Variants in BDNF observed in about 807,000 individuals in gnomAD.
The protein encoded by BDNF is brain derived neurotrophic factor, also known as neurotrophic factor BDNF precursor form.
A neutral mutation model predicts 19.5 loss-of-function variants in BDNF; 1 was observed. That is an observed-to-expected ratio of 0.05 (90% CI 0.02 to 0.24). The LOEUF (loss-of-function observed/expected upper bound fraction) is 0.24. BDNF is among the 10% of genes least tolerant of loss of function. The pLI is 1.00. For missense variants in BDNF, 195 were observed against 317.6 expected, an observed-to-expected ratio of 0.61 and a Z score of 2.93; for synonymous variants, 100 against 121.6, an observed-to-expected ratio of 0.82 and a Z score of 1.17.
intron 1 of BDNF, among the ~76,000 whole-genome samples, chr11:27,666,826 C>T (rs1438750246): frequency 2.0e-5 from 3 of 152,078 alleles, no homozygotes; most frequent in African/African-American, 7.2e-5. Flanking sequence ...GAGAATGGAA[C>T]CAAGTTGGAA....
intron 1 of BDNF, among the ~76,000 whole-genome samples, chr11:27,683,167 G>A (rs1857055849): frequency 6.6e-6 from 1 of 152,226 alleles, no homozygotes; most frequent in African/African-American, 2.4e-5. Flanking sequence ...CAGTGATGAT[G>A]AGCTTTTCTT....
chr11:27,721,633 C>A, exon 1 of BDNF: 1 of 612,562 alleles, frequency 1.6e-6, no homozygotes, highest in East Asian at 2.8e-5. Context: ...GACAAAGCAA[C>A]TGGCATCGAT....
chr11:27,699,439 C>T (rs756412814), intron 1 of BDNF: 2 of 1,613,928 alleles, frequency 1.2e-6, no homozygotes, highest in Admixed American at 1.7e-5. Context: ...GAATCCCCCA[C>T]GTACATCCCA....
intron 1 of BDNF, among the ~76,000 whole-genome samples, chr11:27,665,579 C>A (rs1405326764): frequency 6.6e-6 from 1 of 152,196 alleles, no homozygotes; most frequent in Admixed American, 6.5e-5. Flanking sequence ...TAATACTGTG[C>A]TTTTCCAATG....
At chr11:27,659,144 T>C (rs1242972927) in intron 1 of BDNF, 2 of 1,002,604 alleles carry the variant, frequency 2.0e-6, no homozygotes, top group Admixed American at 6.0e-5. Context: ...AGCCTTTAAA[T>C]TGACTTTTTT....
intron 1 of BDNF, among the ~76,000 whole-genome samples, chr11:27,661,043 G>A (rs1398365810): frequency 6.6e-6 from 1 of 152,154 alleles, no homozygotes; most frequent in Admixed American, 6.5e-5. Flanking sequence ...TCAGTTCCAT[G>A]AGCAAATATT....
chr11:27,705,783 T>G (rs1469093897), intron 1 of BDNF, among the ~76,000 whole-genome samples: 2 of 152,246 alleles, frequency 1.3e-5, no homozygotes, highest in African/African-American at 2.4e-5. Context: ...TTCTCAACTT[T>G]AGTTGCCTTT....
At chr11:27,701,912 G>T (rs1305839826), upstream of BDNF, among the ~76,000 whole-genome samples, 1 of 152,110 alleles carries the variant, frequency 6.6e-6, no homozygotes, top group South Asian at 2.1e-4. Context: ...TAACCAGAGT[G>T]GGGGTAGGTG....
chr11:27,670,097 C>T (rs1394057981), intron 1 of BDNF, among the ~76,000 whole-genome samples: 6 of 146,788 alleles, frequency 4.1e-5, no homozygotes, highest in African/African-American at 1.3e-4. Context: ...CCCTCAGAAA[C>T]AATACCACAC....
At chr11:27,686,044 G>A (rs1353282677) in intron 1 of BDNF, among the ~76,000 whole-genome samples, 1 of 152,150 alleles carries the variant, frequency 6.6e-6, no homozygotes, top group African/African-American at 2.4e-5. Context: ...CTCTTTGTGG[G>A]TCTCTAAGAA....
At chr11:27,704,847 TA>T (rs997179883), upstream of BDNF, among the ~76,000 whole-genome samples, 4 of 152,240 alleles carry the variant, frequency 2.6e-5, no homozygotes, top group South Asian at 2.1e-4. Flanking sequence ...TTATGAACCA[TA>T]AGAATAGCTC....
In BDNF at chr11:27,657,803, C is replaced by G. The variant is rs1168056750; in HGVS notation, c.*18G>C. On this transcript the variant is annotated 3_prime_UTR_variant, in exon 2 of 2. Coordinates refer to ENST00000356660, the MANE Select transcript of BDNF (RefSeq NM_001709.5). This position sits in a 1 kb window ranked among gnomAD's most constrained non-coding sequence, Gnocchi z 5.0. ...AATTTTTGTCTCAATATAATCTAAT[C>G]TATACAACATAAATCCACTATCTTC... The G allele has an allele frequency of 2.5e-6, 4 of 1,610,938 alleles. No individual in the cohort carries two copies. Among genetic ancestry groups the G allele is most frequent in the Non-Finnish European group, 8.5e-7 (1 of 1,177,324 alleles).
chr11:27,693,737 T>G (rs994322446), intron 1 of BDNF, among the ~76,000 whole-genome samples: 3 of 152,184 alleles, frequency 2.0e-5, no homozygotes, highest in Non-Finnish European at 4.4e-5. Context: ...AAGAAATAAG[T>G]GAACATGTGA....
chr11:27,690,439 T>TCA (rs149036227), intron 1 of BDNF, among the ~76,000 whole-genome samples: 8,512 of 150,130 alleles, frequency 0.057, 374 homozygotes, highest in South Asian at 0.25. Flanking sequence ...TTTTTGAGAT[T>TCA]CACACACACA....
Position 27,656,447 on chromosome 11 carries a change from T to C in BDNF, c.*1374A>G. The C allele has an allele frequency of 1.3e-6, 1 of 761,052 alleles. No homozygotes were observed. The highest frequency in any genetic ancestry group is 1.6e-6 in the Non-Finnish European group (1 of 625,012). The allele number at this position is 761,052 out of a possible 1,614,324, so 47.1% of individuals were successfully genotyped here. On this transcript the variant is annotated 3_prime_UTR_variant, in exon 2 of 2. Transcript: ENST00000356660. ...CGAGGTCCAAGCAGCTTGACACATGTCATTCCAGAGCCACCTCTGAAGGGT... is the reference window on the plus strand; with the variant it reads ...CGAGGTCCAAGCAGCTTGACACATGCCATTCCAGAGCCACCTCTGAAGGGT...
At chr11:27,721,439 C>G (rs1398611545) in exon 1 of BDNF, 3 of 1,613,724 alleles carry the variant, frequency 1.9e-6, no homozygotes, top group Non-Finnish European at 2.5e-6. Flanking sequence ...CCTGGAGACT[C>G]AAGTGTCTTA....
chr11:27,656,568 G>T lies in BDNF; in HGVS notation c.*1253C>A. 1.0e-6 allele frequency: 1 copy of T among 985,696 alleles called. No homozygotes were observed. Among genetic ancestry groups the T allele is most frequent in the South Asian group, 4.7e-5 (1 of 21,268 alleles). 61.1% of individuals were successfully genotyped at this position (985,696 alleles called of 1,614,324 possible). On this transcript the variant is annotated 3_prime_UTR_variant, in exon 2 of 2. Transcript: ENST00000356660. ...ACTCAGAAATTCCTCCCGCACTGCC[G>T]GTAAATGCAATGCCAACTCCACATA...
At chr11:27,701,289 A>T, upstream of BDNF, 1 of 1,127,584 alleles carries the variant, frequency 8.9e-7, no homozygotes, top group Non-Finnish European at 1.1e-6. Flanking sequence ...GAAAGAAAAC[A>T]AACCCACCTT....
At chr11:27,699,787 C>A in intron 1 of BDNF, 1 of 1,070,634 alleles carries the variant, frequency 9.3e-7, no homozygotes, top group East Asian at 4.1e-5. Flanking sequence ...AGCACCCTCC[C>A]CTCAGTCAGG....
Sources: allele counts gnomAD v4.1 joint callset (sites outside exome capture counted in the v4.1 genomes callset), GRCh38; gene constraint gnomAD v4.1.1; non-coding constraint Gnocchi (gnomAD v3.1); transcripts MANE v1.5; gene names NCBI Gene and HGNC (gene_info 2026-07-23, HGNC 2026-07-21).